IL4I1: variants seen among roughly 807,000 people sequenced by gnomAD.
IL4I1 encodes the protein interleukin 4 induced 1, also known as L-amino-acid oxidase.
A neutral mutation model predicts 29.7 loss-of-function variants in IL4I1; 24 were observed. That is an observed-to-expected ratio of 0.81 (90% CI 0.59 to 1.14). The LOEUF (loss-of-function observed/expected upper bound fraction) is 1.14, where lower values mean the gene tolerates loss of function less well. Ranked by LOEUF, IL4I1 falls within the 50% of genes most tolerant of loss-of-function variation. The probability of loss-of-function intolerance (pLI) is 0.00; values close to 1 mark genes in which losing one functional copy is unlikely to be tolerated. For synonymous variants in IL4I1, 371 were observed against 352.5 expected, an observed-to-expected ratio of 1.05 and a Z score of -0.59; for missense variants, 686 against 785.6, an observed-to-expected ratio of 0.87 and a Z score of 1.52.
intron 2 of IL4I1, among the ~76,000 whole-genome samples, chr19:49,912,493 C>A (rs1316254793): frequency 6.6e-6 from 1 of 152,076 alleles, no homozygotes; most frequent in Admixed American, 6.5e-5. Flanking sequence ...TATTAAGTGC[C>A]ACATTGGTTT....
At chr19:49,890,945 C>CCT in intron 7 of IL4I1, 26 bp downstream of exon 7, 2 of 726,906 alleles carry the variant, frequency 2.8e-6, no homozygotes, top group Non-Finnish European at 3.9e-6. Flanking sequence ...CGCCCCCCCC[C>CCT]CCTGCCCGCC....
intron 2 of IL4I1, among the ~76,000 whole-genome samples, chr19:49,923,601 G>A (rs981056761): frequency 6.6e-6 from 1 of 152,226 alleles, no homozygotes; most frequent in Non-Finnish European, 1.5e-5. Flanking sequence ...TCTCCACAGC[G>A]CTCCCACACC....
At chr19:49,927,206 G>C (rs1336662042) in intron 2 of IL4I1, among the ~76,000 whole-genome samples, 1 of 152,044 alleles carries the variant, frequency 6.6e-6, no homozygotes, top group Non-Finnish European at 1.5e-5. Context: ...AGGGGAAACT[G>C]AGGCACAGGG....
At chr19:49,926,007 G>C (rs1026980870) in intron 2 of IL4I1, among the ~76,000 whole-genome samples, 4 of 151,736 alleles carry the variant, frequency 2.6e-5, no homozygotes, top group African/African-American at 9.7e-5. Flanking sequence ...TCATGAGTTC[G>C]AGACCAGCCT....
At chr19:49,914,377 T>G (rs2075564265) in intron 2 of IL4I1, among the ~76,000 whole-genome samples, 1 of 152,104 alleles carries the variant, frequency 6.6e-6, no homozygotes, top group South Asian at 2.1e-4. Context: ...GGGCCTGTGC[T>G]CAGGGCTGGG....
At chr19:49,927,195 C>G (rs2075917794) in intron 2 of IL4I1, among the ~76,000 whole-genome samples, 1 of 152,020 alleles carries the variant, frequency 6.6e-6, no homozygotes, top group African/African-American at 2.4e-5. Flanking sequence ...CTTCGTACCA[C>G]AGGGGAAACT....
intron 2 of IL4I1, among the ~76,000 whole-genome samples, chr19:49,905,989 T>C (rs1481910186): frequency 6.6e-6 from 1 of 152,064 alleles, no homozygotes; most frequent in Non-Finnish European, 1.5e-5. Flanking sequence ...GCCCACAGAC[T>C]GAGATGGAAC....
intron 2 of IL4I1, among the ~76,000 whole-genome samples, chr19:49,905,050 G>A (rs2075304634): frequency 6.6e-6 from 1 of 152,122 alleles, no homozygotes; most frequent in Non-Finnish European, 1.5e-5. Flanking sequence ...GTTTCACCAT[G>A]TTGGCCAGGC....
intron 1 of IL4I1, among the ~76,000 whole-genome samples, 159 bp downstream of exon 1, chr19:49,896,676 C>T (rs1357159556): frequency 6.6e-6 from 1 of 152,150 alleles, no homozygotes; most frequent in African/African-American, 2.4e-5. Flanking sequence ...TTAGGTGATC[C>T]ACCCACCTCG....
intron 2 of IL4I1, chr19:49,911,442 AG>A (rs2122623774): frequency 6.6e-6 from 1 of 152,284 alleles, no homozygotes; most frequent in South Asian, 2.1e-4. Flanking sequence ...AACACCCACG[AG>A]GTCTGTTTCC....
At chr19:49,909,645 G>A (rs2122606533) in intron 2 of IL4I1, 2 of 1,614,176 alleles carry the variant, frequency 1.2e-6, no homozygotes, top group East Asian at 4.5e-5. Context: ...CCGGTGGAAG[G>A]GGTACTTGTG....
intron 2 of IL4I1, among the ~76,000 whole-genome samples, chr19:49,926,338 T>C (rs1366194831): frequency 1.3e-5 from 2 of 151,908 alleles, no homozygotes; most frequent in African/African-American, 2.4e-5. Context: ...AAGACCAGCC[T>C]GGCCAACATG....
At chr19:49,925,894 T>C (rs2075874678) in intron 2 of IL4I1, among the ~76,000 whole-genome samples, 1 of 152,152 alleles carries the variant, frequency 6.6e-6, no homozygotes, top group African/African-American at 2.4e-5. Context: ...TCTACAATTA[T>C]TCCAAAATAA....
Position 49,909,731 on chromosome 19 carries a change from G to A in IL4I1, c.-227-5410C>T, listed in dbSNP as rs199851269. On this transcript the variant is annotated intron_variant, in intron 2 of 9. Transcript: ENST00000341114. ...GAAAGAAAACCCTGTAGCAGGTGTG[G>A]TTGTTGCCGTCTTTGCAGTGCCAAA... 3.5e-5 allele frequency: 57 copies of A among 1,614,016 alleles called. 1 individual carries two copies. The highest frequency in any genetic ancestry group is 4.7e-5 in the Non-Finnish European group (55 of 1,180,030).
At chr19:49,891,276 GC>G in intron 6 of IL4I1, 128 bp downstream of exon 6, 5 of 1,411,032 alleles carry the variant, frequency 3.5e-6, no homozygotes, top group Non-Finnish European at 3.9e-6. Flanking sequence ...GGCGTGTCCA[GC>G]CCCCGGGTCA....
upstream of IL4I1, among the ~76,000 whole-genome samples, chr19:49,900,985 T>G (rs1291960068): frequency 6.6e-6 from 1 of 152,234 alleles, no homozygotes; most frequent in East Asian, 1.9e-4. Flanking sequence ...CAGCTGATGC[T>G]GATGAGGGCT....
At chr19:49,927,400 T>C (rs1304433089) in intron 2 of IL4I1, among the ~76,000 whole-genome samples, 1 of 152,008 alleles carries the variant, frequency 6.6e-6, no homozygotes, top group Non-Finnish European at 1.5e-5. Flanking sequence ...TAAAAAAAAA[T>C]CGCAAAAAAT....
At chr19:49,901,816 G>A, upstream of IL4I1, 1 of 809,698 alleles carries the variant, frequency 1.2e-6, no homozygotes, top group Non-Finnish European at 1.8e-6. Flanking sequence ...CAGAGCAGCT[G>A]GGAGGCTGTG....
intron 2 of IL4I1, among the ~76,000 whole-genome samples, chr19:49,918,914 T>A (rs996745666): frequency 9.6e-5 from 3 of 31,398 alleles, no homozygotes; most frequent in Non-Finnish European, 1.3e-4. Context: ...GGGGGCGGGG[T>A]GTGGGGGGGC....
Sources: gnomAD v4.1 joint callset for allele counts (sites outside exome capture counted in the v4.1 genomes callset) on GRCh38, gnomAD v4.1.1 for gene constraint, MANE v1.5 for transcripts, NCBI Gene and HGNC (gene_info 2026-07-23, HGNC 2026-07-21) for gene names.